MLLT10: variants seen among roughly 807,000 people sequenced by gnomAD.
The protein encoded by MLLT10 is MLLT10 histone lysine methyltransferase DOT1L cofactor, also known as protein AF-10.
Under a neutral mutation model 129.1 loss-of-function variants are expected in MLLT10, and 30 were observed. The ratio of observed to expected loss-of-function variants is 0.23; its 90% confidence interval spans 0.17 to 0.32. MLLT10 has a LOEUF of 0.32. MLLT10 is among the 10% of genes least tolerant of loss of function. The pLI, the probability that MLLT10 is intolerant of heterozygous loss-of-function variation, is 1.00. For missense variants in MLLT10, 1,119 were observed against 1,268.3 expected (o/e 0.88, Z 1.79); for synonymous variants, 490 against 446.4 (o/e 1.10, Z -1.23).
chr10:21,559,753 G>A (rs1199358221), intron 3 of MLLT10, among the ~76,000 whole-genome samples: 2 of 152,098 alleles, frequency 1.3e-5, no homozygotes, highest in African/African-American at 4.8e-5. Flanking sequence ...TTCAAGGTTC[G>A]TCTATGTTGT....
rs1040028207 is a variant in MLLT10 at position 21,598,658 on chromosome 10, C to T, written c.405+3218C>T. On this transcript the variant is annotated intron_variant, in intron 5 of 22. Transcript: ENST00000307729. The stretch of plus-strand genomic sequence containing the variant: ...TAGCATTTTGGGAGGCCGAAGCCAG[C>T]GGGATGACTTGAGGTCCAGAGTTCG... Among the ~76,000 whole-genome samples, 8 of 152,266 alleles carry T rather than the reference C, an allele frequency of 5.3e-5. 1 individual carries two copies. Among genetic ancestry groups the T allele is most frequent in the South Asian group, 4.1e-4 (2 of 4,826 alleles).
intron 8 of MLLT10, among the ~76,000 whole-genome samples, chr10:21,629,916 C>T (rs2046844320): frequency 6.6e-6 from 1 of 152,158 alleles, no homozygotes; most frequent in African/African-American, 2.4e-5. Flanking sequence ...GAGCTATGAT[C>T]ATGCCATTGC....
intron 8 of MLLT10, among the ~76,000 whole-genome samples, chr10:21,649,718 T>C (rs950017432): frequency 6.6e-6 from 1 of 152,208 alleles, no homozygotes; most frequent in Non-Finnish European, 1.5e-5. Context: ...ATTCTTTACA[T>C]GGTGGCTGAT....
intron 8 of MLLT10, among the ~76,000 whole-genome samples, chr10:21,645,321 A>C (rs932924900): frequency 1.3e-5 from 2 of 152,050 alleles, no homozygotes; most frequent in African/African-American, 4.8e-5. Context: ...GTTTCTGTTC[A>C]TTTGTTTTCT....
At chr10:21,619,938 T>C (rs1283428487) in intron 8 of MLLT10, among the ~76,000 whole-genome samples, 1 of 150,900 alleles carries the variant, frequency 6.6e-6, no homozygotes, top group East Asian at 1.9e-4. Flanking sequence ...TCTTTTCTTT[T>C]TTTTTTTTTT....
intron 4 of MLLT10, among the ~76,000 whole-genome samples, chr10:21,594,641 A>G (rs1193068531): frequency 6.6e-6 from 1 of 151,460 alleles, no homozygotes; most frequent in Non-Finnish European, 1.5e-5. Flanking sequence ...AAAAGTGGCC[A>G]AAAACTGTAC....
At chr10:21,660,663 C>T (rs2050093784) in intron 9 of MLLT10, among the ~76,000 whole-genome samples, 1 of 146,884 alleles carries the variant, frequency 6.8e-6, no homozygotes, top group African/African-American at 2.5e-5. Flanking sequence ...CCCCTGAGGT[C>T]AGGAGTTCAA....
chr10:21,649,356 T>C (rs1404263867), intron 8 of MLLT10, among the ~76,000 whole-genome samples: 1 of 152,176 alleles, frequency 6.6e-6, no homozygotes, highest in Non-Finnish European at 1.5e-5. Context: ...GGATTACAGG[T>C]GTGAGCCAGT....
At chr10:21,679,060 TTA>T (rs2052478343) in intron 11 of MLLT10, among the ~76,000 whole-genome samples, 5 of 152,216 alleles carry the variant, frequency 3.3e-5, no homozygotes, top group Non-Finnish European at 5.9e-5. Context: ...GTAGATCAAA[TTA>T]GAGTAGAAGC....
chr10:21,609,735 C>T (rs1417792212), intron 5 of MLLT10, among the ~76,000 whole-genome samples: 2 of 152,090 alleles, frequency 1.3e-5, no homozygotes, highest in Non-Finnish European at 2.9e-5. Flanking sequence ...TTTGTTTTTT[C>T]CCTCTGACTT....
At chr10:21,631,313 C>CCAAAA (rs2046983133) in intron 8 of MLLT10, among the ~76,000 whole-genome samples, 1 of 47,776 alleles carries the variant, frequency 2.1e-5, no homozygotes, top group African/African-American at 6.8e-5. Flanking sequence ...GACTCCGTCT[C>CCAAAA]AAAAAAAAAA....
intron 7 of MLLT10, among the ~76,000 whole-genome samples, chr10:21,616,452 T>C (rs979553535): frequency 1.1e-4 from 17 of 152,120 alleles, no homozygotes; most frequent in Non-Finnish European, 1.9e-4. Flanking sequence ...GTACCAACTT[T>C]TAAACACCTC....
intron 8 of MLLT10, among the ~76,000 whole-genome samples, chr10:21,620,021 C>T (rs528368396): frequency 1.8e-4 from 28 of 151,682 alleles, no homozygotes; most frequent in Non-Finnish European, 3.4e-4. Context: ...CCTCTGCCTC[C>T]CGGGTTCAAG....
At chr10:21,550,149 A>G (rs2036768643) in intron 3 of MLLT10, among the ~76,000 whole-genome samples, 2 of 152,190 alleles carry the variant, frequency 1.3e-5, no homozygotes, top group African/African-American at 2.4e-5. Context: ...AGTTTGCCTA[A>G]TGGGGTTCAT....
rs559249879 is a variant in MLLT10 at position 21,701,911 on chromosome 10, TTCTCG to T, written c.1700-11841_1700-11837del. On this transcript the variant is annotated intron_variant, in intron 13 of 22. Coordinates refer to ENST00000307729, the MANE Select transcript of MLLT10 (RefSeq NM_001195626.3). ...GTTATGTTATTTCTCTTCTCTTCTC[TTCTCG>T]TCTCGTCTCGTCTCGTCTCTCTTTT... is the stretch of plus-strand genomic sequence containing the variant. 3.5e-3 allele frequency among the ~76,000 whole-genome samples: 532 copies of T among 150,366 alleles called. 4 individuals are homozygous for T. Among genetic ancestry groups the T allele is most frequent in the African/African-American group, 9.1e-3 (374 of 41,164 alleles).
At chr10:21,665,305 G>A (rs138942406) in intron 9 of MLLT10, among the ~76,000 whole-genome samples, 32,906 of 136,938 alleles carry the variant, frequency 0.24, 4,954 homozygotes, top group Middle Eastern at 0.53. Flanking sequence ...TTTTTTTGGG[G>A]GGGGGGGGGT....
intron 13 of MLLT10, among the ~76,000 whole-genome samples, chr10:21,707,143 A>G (rs1441520298): frequency 2.0e-5 from 3 of 150,708 alleles, no homozygotes; most frequent in South Asian, 2.1e-4. Context: ...TGACTCATTC[A>G]TCTTCTACCC....
intron 13 of MLLT10, among the ~76,000 whole-genome samples, chr10:21,691,130 A>G (rs554991376): frequency 6.6e-6 from 1 of 152,294 alleles, no homozygotes; most frequent in South Asian, 2.1e-4. Context: ...CAGTTCGATC[A>G]TGTTTAAATA....
At chr10:21,585,317 T>C (rs1405314982) in intron 3 of MLLT10, among the ~76,000 whole-genome samples, 1 of 152,144 alleles carries the variant, frequency 6.6e-6, no homozygotes, top group East Asian at 1.9e-4. Context: ...ATATTCTTCT[T>C]GGTAAGACAG....
Sources: gnomAD v4.1 joint callset for allele counts (sites outside exome capture counted in the v4.1 genomes callset) on GRCh38, gnomAD v4.1.1 for gene constraint, MANE v1.5 for transcripts, NCBI Gene and HGNC (gene_info 2026-07-23, HGNC 2026-07-21) for gene names.